PKD2L1: variants seen among roughly 807,000 people sequenced by gnomAD.
PKD2L1 encodes polycystin 2 like 1, transient receptor potential cation channel, also known as polycystin-2-like protein 1.
Under a neutral mutation model 93.0 loss-of-function variants are expected in PKD2L1, and 77 were observed. The observed-to-expected ratio is 0.83, with a 90% CI of 0.69 to 1.00. PKD2L1 has a LOEUF of 1.00. Ranked by LOEUF, PKD2L1 falls within the 50% of genes least tolerant of loss-of-function variation. The pLI is 0.00. For synonymous variants in PKD2L1, 390 were observed against 388.0 expected (o/e 1.01, Z -0.06); for missense variants, 977 against 990.9 (o/e 0.99, Z 0.19).
At position 100,294,515 on chromosome 10, in the gene PKD2L1, C is replaced by T. The variant is rs201986207; in HGVS notation, c.1659+20G>A. The stretch of plus-strand genomic sequence containing the variant: ...ACCCTGCAGGCTCTCTATGTCCCCA[C>T]CCCTCAGAGAGACCCTCACCAGGAG... On this transcript the variant is annotated intron_variant, in intron 9 of 15. Coordinates refer to ENST00000318222, the MANE Select transcript of PKD2L1 (RefSeq NM_016112.3). 9.4e-5 allele frequency: 152 copies of T among 1,613,704 alleles called. 1 individual carries two copies. The Middle Eastern group carries it at 4.4e-3, about 47-fold the overall frequency.
intron 2 of PKD2L1, among the ~76,000 whole-genome samples, chr10:100,317,748 C>A (rs781156950): frequency 8.6e-5 from 13 of 151,974 alleles, no homozygotes; most frequent in Non-Finnish European, 1.9e-4. Context: ...CTGAAAAGGT[C>A]TCAGGAAGCC....
chr10:100,291,392 G>C lies in PKD2L1; in HGVS notation c.1916C>G (p.Thr639Arg), dbSNP rs758841353. The C allele has an allele frequency of 2.2e-5, 36 of 1,613,794 alleles. No individual in the cohort carries two copies. The highest frequency in any genetic ancestry group is 2.7e-5 in the Non-Finnish European group (32 of 1,179,844). Residue 639 changes from threonine to arginine, a missense_variant, in exon 12 of 16, where the codon ACG becomes AGG. Coordinates refer to ENST00000318222, the MANE Select transcript of PKD2L1 (RefSeq NM_016112.3). ...TCTGTCAAACTTGGTGAAGGTGGCCGTGAGCTCAGTGATTTCATGCTCTGC... is the reference window on the plus strand; with the variant it reads ...TCTGTCAAACTTGGTGAAGGTGGCCCTGAGCTCAGTGATTTCATGCTCTGC... ...GHAEHEITEL[T>R]ATFTKFDRDG...
chr10:100,299,756 T>G, intron 2 of PKD2L1, 38 bp from the exon 3 acceptor site: 1 of 1,603,598 alleles, frequency 6.2e-7, no homozygotes, highest in Non-Finnish European at 8.5e-7. Flanking sequence ...CTTCTCACTG[T>G]TCCCCCAGAG....
intron 2 of PKD2L1, among the ~76,000 whole-genome samples, chr10:100,300,652 G>T (rs1406316559): frequency 2.0e-5 from 3 of 152,188 alleles, no homozygotes; most frequent in Non-Finnish European, 2.9e-5. Flanking sequence ...CTTTCTCAGT[G>T]CATGATATCA....
At chr10:100,314,333 A>G (rs920484751) in intron 2 of PKD2L1, among the ~76,000 whole-genome samples, 2 of 152,180 alleles carry the variant, frequency 1.3e-5, no homozygotes, top group African/African-American at 4.8e-5. Flanking sequence ...AGCCTGTGAG[A>G]CAAAGGACCA....
At chr10:100,294,448 C>T in intron 9 of PKD2L1, 87 bp downstream of exon 9, 1 of 1,427,796 alleles carries the variant, frequency 7.0e-7, no homozygotes, top group Non-Finnish European at 9.8e-7. Context: ...ATTTGAGAAA[C>T]TTATCAATCC....
At chr10:100,291,525 TG>T in intron 11 of PKD2L1, 98 bp from the exon 12 acceptor site, 2 of 1,318,472 alleles carry the variant, frequency 1.5e-6, no homozygotes, top group Non-Finnish European at 2.1e-6. Flanking sequence ...GCAAAAGTTT[TG>T]CTTCTGGTAA....
At chr10:100,304,864 G>A (rs1848762507) in intron 2 of PKD2L1, among the ~76,000 whole-genome samples, 1 of 152,172 alleles carries the variant, frequency 6.6e-6, no homozygotes, top group East Asian at 1.9e-4. Flanking sequence ...GAATGAGCAT[G>A]AGCACTGCAG....
chr10:100,298,321 C>T (rs1848597731), intron 4 of PKD2L1, among the ~76,000 whole-genome samples: 1 of 152,222 alleles, frequency 6.6e-6, no homozygotes, highest in Non-Finnish European at 1.5e-5. Context: ...TGATTGCAAC[C>T]TGTCTGTGGG....
intron 2 of PKD2L1, among the ~76,000 whole-genome samples, chr10:100,304,610 T>C (rs1848757113): frequency 6.6e-6 from 1 of 152,056 alleles, no homozygotes; most frequent in Non-Finnish European, 1.5e-5. Context: ...TCCTCCCATC[T>C]CAGCCTCCTG....
intron 9 of PKD2L1, 101 bp downstream of exon 9, chr10:100,294,434 C>T (rs1038612291): frequency 6.1e-6 from 8 of 1,312,444 alleles, no homozygotes; most frequent in African/African-American, 2.9e-5. Context: ...ACTCTCCATC[C>T]TTGATTTGAG....
chr10:100,325,852 A>T (rs1337614303), intron 2 of PKD2L1, among the ~76,000 whole-genome samples: 5 of 152,164 alleles, frequency 3.3e-5, no homozygotes, highest in Non-Finnish European at 7.3e-5. Context: ...ATTTTATTTA[A>T]CCTGCTTAAG....
At chr10:100,308,490 A>T (rs1273916272) in intron 2 of PKD2L1, among the ~76,000 whole-genome samples, 4 of 151,860 alleles carry the variant, frequency 2.6e-5, no homozygotes, top group Non-Finnish European at 5.9e-5. Flanking sequence ...ATGCACCACT[A>T]CACCTGGCTA....
At chr10:100,291,472 G>C in intron 11 of PKD2L1, 45 bp from the exon 12 acceptor site, 1 of 1,606,638 alleles carries the variant, frequency 6.2e-7, no homozygotes, top group Non-Finnish European at 8.5e-7. Context: ...CTGTGGCTGT[G>C]ACCTCTCAGT....
intron 15 of PKD2L1, 65 bp downstream of exon 15, chr10:100,288,906 AG>A: frequency 1.0e-6 from 1 of 1,002,770 alleles, no homozygotes; most frequent in Non-Finnish European, 1.5e-6. Context: ...GGATGTGGCG[AG>A]GGGGCCTGTG....
At chr10:100,291,499 C>T (rs760589292) in intron 11 of PKD2L1, 72 bp from the exon 12 acceptor site, 1 of 1,527,594 alleles carries the variant, frequency 6.5e-7, no homozygotes. Context: ...CTTCCTCACT[C>T]TTTTGCTTGA....
intron 2 of PKD2L1, among the ~76,000 whole-genome samples, chr10:100,325,905 G>C (rs1346873242): frequency 6.6e-6 from 1 of 152,146 alleles, no homozygotes; most frequent in Non-Finnish European, 1.5e-5. Flanking sequence ...GGATAAGAGA[G>C]GTTAGCAAAC....
At position 100,297,088 on chromosome 10, in the gene PKD2L1, G is replaced by T; in HGVS notation, c.1077C>A (p.Phe359Leu). The T allele has an allele frequency of 1.2e-6, 2 of 1,614,176 alleles. No homozygotes were observed. The highest frequency in any genetic ancestry group is 1.7e-6 in the Non-Finnish European group (2 of 1,180,004). The change falls in exon 6 of 16, where the codon TTC becomes TTA. Residue 359 changes from phenylalanine (F) to leucine (L), a missense_variant. Transcript: ENST00000318222. ...DFFIVGCEVI[F>L]CVFIFYYVVE... ...CCACATAGTAGAAGATGAAGACGCAGAAGATGACCTCACAGCCAACGATAA... is the reference window on the plus strand; with the variant it reads ...CCACATAGTAGAAGATGAAGACGCATAAGATGACCTCACAGCCAACGATAA...
At chr10:100,297,639 A>G in intron 4 of PKD2L1, 33 bp from the exon 5 acceptor site, 1 of 1,531,284 alleles carries the variant, frequency 6.5e-7, no homozygotes, top group South Asian at 1.1e-5. Context: ...AGCCAGCCCA[A>G]AAGTTCATCT....
Sources: gnomAD v4.1 joint callset for allele counts (sites outside exome capture counted in the v4.1 genomes callset) on GRCh38, gnomAD v4.1.1 for gene constraint, MANE v1.5 for transcripts, NCBI Gene and HGNC (gene_info 2026-07-23, HGNC 2026-07-21) for gene names.